TEAD1: variants seen among roughly 807,000 people sequenced by gnomAD.
TEAD1 encodes transcriptional enhancer factor TEF-1.
Under a neutral mutation model 54.9 loss-of-function variants are expected in TEAD1, and 9 were observed. The observed-to-expected ratio is 0.16, with a 90% CI of 0.10 to 0.29. The LOEUF is 0.29. TEAD1 is among the 10% of genes least tolerant of loss of function. The pLI is 1.00. For synonymous variants in TEAD1, 200 were observed against 187.8 expected (o/e 1.07, Z -0.53); for missense variants, 387 against 535.9 (o/e 0.72, Z 2.74).
In TEAD1 at chr11:12,879,817, G is replaced by C; in HGVS notation, c.440G>C (p.Arg147Pro). The C allele has an allele frequency of 6.2e-7, 1 of 1,613,876 alleles. No homozygotes were observed. The highest frequency in any genetic ancestry group is 1.3e-5 in the African/African-American group (1 of 75,036). Residue 147 changes from arginine to proline, a missense_variant, in exon 6 of 13, where the codon CGC becomes CCC. Arg to Pro is a moderately radical substitution (Grantham distance 103). Transcript: ENST00000527636. ...AAGCTGGGGCTGCCTGGGATTCCAC[G>C]CCCGACCTTCCCAGGGGCGCCGGGG...
At chr11:12,702,300 ACTAT>A (rs966167223) in intron 2 of TEAD1, among the ~76,000 whole-genome samples, 5 of 152,160 alleles carry the variant, frequency 3.3e-5, no homozygotes, top group Non-Finnish European at 7.3e-5. Context: ...CCTGCGTGTT[ACTAT>A]CTGAGAACAT....
intron 3 of TEAD1, among the ~76,000 whole-genome samples, chr11:12,827,850 G>A (rs1946688705): frequency 6.6e-6 from 1 of 152,176 alleles, no homozygotes; most frequent in African/African-American, 2.4e-5. Flanking sequence ...GAAACGTTTA[G>A]GGACTTCTTG....
intron 3 of TEAD1, among the ~76,000 whole-genome samples, chr11:12,788,977 T>G (rs1433099161): frequency 6.6e-6 from 1 of 152,224 alleles, no homozygotes; most frequent in African/African-American, 2.4e-5. Flanking sequence ...CTCAAGCCCC[T>G]GGCCTCAAGT....
In TEAD1 at chr11:12,864,950, C is replaced by G. The variant is rs1437129165; in HGVS notation, c.330+50C>G. ...TTGTGGTTGCTATGCATCTCACTTCCTGTTTTCCATGGTGACTGGTGAATG... is the reference window on the plus strand; with the variant it reads ...TTGTGGTTGCTATGCATCTCACTTCGTGTTTTCCATGGTGACTGGTGAATG... On this transcript the variant is annotated intron_variant, in intron 5 of 12. Transcript: ENST00000527636. The G allele has an allele frequency of 2.5e-6, 4 of 1,599,662 alleles. No individual in the cohort carries two copies. In the East Asian group the frequency reaches 8.9e-5, roughly 36 times the overall value.
chr11:12,714,340 G>A (rs1944009532), intron 2 of TEAD1, among the ~76,000 whole-genome samples: 1 of 152,154 alleles, frequency 6.6e-6, no homozygotes, highest in African/African-American at 2.4e-5. Context: ...CAGCAGCTCT[G>A]GGCCATTTAT....
Position 12,793,132 on chromosome 11 carries a change from T to A in TEAD1, c.202+28698T>A, listed in dbSNP as rs191923244. On this transcript the variant is annotated intron_variant, in intron 3 of 12. Transcript: ENST00000527636. ...AATCTATGAAGTGGTTTTTTTTTTT[T>A]AATTTATAAATATACGTTATTCAAC... Among the ~76,000 whole-genome samples, 1,116 of 151,922 alleles carry A rather than the reference T, an allele frequency of 7.3e-3. 15 individuals are homozygous for A. Among genetic ancestry groups the A allele is most frequent in the African/African-American group, 0.025 (1,048 of 41,410 alleles).
At chr11:12,756,676 T>G (rs1944988824) in intron 2 of TEAD1, among the ~76,000 whole-genome samples, 1 of 152,220 alleles carries the variant, frequency 6.6e-6, no homozygotes, top group Non-Finnish European at 1.5e-5. Flanking sequence ...TACTGTCTAG[T>G]GAGGGTATAG....
chr11:12,862,867 C>G (rs1013935180), intron 4 of TEAD1, among the ~76,000 whole-genome samples: 2 of 152,158 alleles, frequency 1.3e-5, no homozygotes, highest in African/African-American at 2.4e-5. Context: ...ACTTCAATAC[C>G]TCTGTGCAGA....
intron 12 of TEAD1, among the ~76,000 whole-genome samples, chr11:12,932,990 G>A (rs777997663): frequency 2.6e-5 from 4 of 152,128 alleles, no homozygotes; most frequent in Non-Finnish European, 4.4e-5. Flanking sequence ...ACAGTAACAT[G>A]CTATACAGAT....
chr11:12,923,213 G>T (rs1948844506), intron 10 of TEAD1, among the ~76,000 whole-genome samples: 1 of 152,116 alleles, frequency 6.6e-6, no homozygotes, highest in Non-Finnish European at 1.5e-5. Context: ...TTGGTCTCAG[G>T]ATATTTCACC....
intron 3 of TEAD1, among the ~76,000 whole-genome samples, chr11:12,841,309 G>A (rs979283910): frequency 6.6e-6 from 1 of 152,160 alleles, no homozygotes; most frequent in African/African-American, 2.4e-5. Context: ...TCCCCACCAG[G>A]CCATGCCTAT....
At chr11:12,725,017 T>G (rs1444212654) in intron 2 of TEAD1, among the ~76,000 whole-genome samples, 1 of 152,178 alleles carries the variant, frequency 6.6e-6, no homozygotes, top group African/African-American at 2.4e-5. Flanking sequence ...TCCTCTGGCC[T>G]TTGCTTGAGT....
intron 2 of TEAD1, among the ~76,000 whole-genome samples, chr11:12,743,769 G>T (rs957663604): frequency 8.5e-5 from 13 of 152,172 alleles, no homozygotes; most frequent in African/African-American, 3.1e-4. Context: ...GAACGGGGTG[G>T]TATTGAAAAT....
At chr11:12,751,985 T>G (rs1455256301) in intron 2 of TEAD1, among the ~76,000 whole-genome samples, 1 of 152,210 alleles carries the variant, frequency 6.6e-6, no homozygotes, top group Non-Finnish European at 1.5e-5. Context: ...TGTAGAACTT[T>G]CCTTTGGGAT....
In TEAD1 at chr11:12,902,062, G is replaced by A. The variant is rs759182330; in HGVS notation, c.822G>A (p.Lys274=). 1 of 1,614,240 alleles carries A rather than the reference G, an allele frequency of 6.2e-7. No homozygotes were observed. ...TTCCTGAAAAGAAAGGTGGCTTAAA[G>A]GAACTGTTTGGAAAGGGCCCTCAAA... Residue 274 remains lysine (K), a synonymous_variant, in exon 10 of 13, where the codon AAG becomes AAA. Transcript: ENST00000527636.
chr11:12,883,953 C>T (rs942259548), intron 9 of TEAD1, among the ~76,000 whole-genome samples: 1 of 151,086 alleles, frequency 6.6e-6, no homozygotes, highest in African/African-American at 2.4e-5. Flanking sequence ...CAAGATCGCG[C>T]CACTGCACTC....
intron 6 of TEAD1, among the ~76,000 whole-genome samples, chr11:12,880,524 A>T (rs1022385500): frequency 6.6e-6 from 1 of 152,124 alleles, no homozygotes. Context: ...GCCCACACCA[A>T]TCGCAGCAGG....
chr11:12,767,255 C>T (rs1253522417), intron 3 of TEAD1, among the ~76,000 whole-genome samples: 2 of 152,260 alleles, frequency 1.3e-5, no homozygotes, highest in East Asian at 3.9e-4. Context: ...CCCCATCTTA[C>T]CATACATGAA....
chr11:12,714,191 C>T (rs12417722), intron 2 of TEAD1, among the ~76,000 whole-genome samples: 5,184 of 152,064 alleles, frequency 0.034, 106 homozygotes, highest in Non-Finnish European at 0.053. Context: ...AGAAGGTTCC[C>T]AAGCAGTCAC....
Sources: allele counts gnomAD v4.1 joint callset (sites outside exome capture counted in the v4.1 genomes callset), GRCh38; gene constraint gnomAD v4.1.1; transcripts MANE v1.5; gene names NCBI Gene and HGNC (gene_info 2026-07-23, HGNC 2026-07-21).